Variants in RUNX2 observed in about 807,000 individuals in gnomAD.
The protein encoded by RUNX2 is runt-related transcription factor 2.
Under a neutral mutation model 51.7 loss-of-function variants are expected in RUNX2, and 10 were observed. The ratio of observed to expected loss-of-function variants is 0.19; its 90% confidence interval spans 0.12 to 0.33. The LOEUF (loss-of-function observed/expected upper bound fraction) is 0.33, where lower values mean the gene tolerates loss of function less well. Ranked by LOEUF, RUNX2 falls within the 10% of genes least tolerant of loss-of-function variation. RUNX2 has a pLI of 1.00. For synonymous variants in RUNX2, 276 were observed against 273.6 expected (o/e 1.01, Z -0.09); for missense variants, 562 against 691.3 (o/e 0.81, Z 2.10).
intron 7 of RUNX2, among the ~76,000 whole-genome samples, chr6:45,521,162 T>G (rs1801497066): frequency 6.6e-6 from 1 of 151,866 alleles, no homozygotes; most frequent in African/African-American, 2.4e-5. Context: ...GAATGTTTAA[T>G]GAAACAAGTA....
chr6:45,380,635 G>A (rs1009475604), intron 2 of RUNX2, among the ~76,000 whole-genome samples: 2 of 152,122 alleles, frequency 1.3e-5, no homozygotes, highest in Non-Finnish European at 2.9e-5. Flanking sequence ...GGAGTGCAGT[G>A]GCCCGATCTC....
chr6:45,341,824 A>T lies in RUNX2; in HGVS notation c.58+13040A>T, dbSNP rs78680262. Among the ~76,000 whole-genome samples the T allele has an allele frequency of 7.5e-3, 1,143 of 152,318 alleles. 21 individuals are homozygous for T. Among genetic ancestry groups the T allele is most frequent in the African/African-American group, 0.026 (1,085 of 41,576 alleles). On this transcript the variant is annotated intron_variant, in intron 2 of 8. Coordinates refer to ENST00000647337, the MANE Select transcript of RUNX2 (RefSeq NM_001024630.4). ...TACAAATTAAAAATGACACACTAAG[A>T]TAATTCATCGCTTTTAGTTTAAACC...
chr6:45,444,625 C>T (rs1228511602), intron 5 of RUNX2, among the ~76,000 whole-genome samples: 1 of 152,216 alleles, frequency 6.6e-6, no homozygotes, highest in Non-Finnish European at 1.5e-5. Context: ...AAACTATTTT[C>T]TTTTCCTGTT....
At chr6:45,407,954 ATTC>A (rs1421276632) in intron 2 of RUNX2, among the ~76,000 whole-genome samples, 2 of 152,146 alleles carry the variant, frequency 1.3e-5, no homozygotes, top group African/African-American at 4.8e-5. Context: ...TGTTAAAATA[ATTC>A]TTCTGGTTTG....
chr6:45,423,079 A>G, intron 3 of RUNX2, 122 bp downstream of exon 3: 2 of 1,277,056 alleles, frequency 1.6e-6, no homozygotes, highest in East Asian at 2.7e-5. Context: ...GGCGGCTCTA[A>G]CCCCAGAAAC....
At chr6:45,465,508 A>G (rs1192555325) in intron 5 of RUNX2, among the ~76,000 whole-genome samples, 1 of 152,118 alleles carries the variant, frequency 6.6e-6, no homozygotes, top group Non-Finnish European at 1.5e-5. Flanking sequence ...CTTTTCAGTT[A>G]ATTAAAAAGT....
chr6:45,464,106 T>A (rs1361428769), intron 5 of RUNX2, among the ~76,000 whole-genome samples: 1 of 151,674 alleles, frequency 6.6e-6, no homozygotes, highest in Admixed American at 6.6e-5. Flanking sequence ...GGCAGGAGAA[T>A]GGCGTGAACC....
chr6:45,517,938 C>T (rs368447246), intron 7 of RUNX2, among the ~76,000 whole-genome samples: 1 of 152,138 alleles, frequency 6.6e-6, no homozygotes, highest in East Asian at 1.9e-4. Context: ...GTTCTTGAAA[C>T]CAGCAGCTTC....
chr6:45,338,831 T>A (rs1789167206), intron 2 of RUNX2, among the ~76,000 whole-genome samples: 1 of 152,014 alleles, frequency 6.6e-6, no homozygotes, highest in Non-Finnish European at 1.5e-5. Flanking sequence ...GGCACAAAAT[T>A]TAAGGAGGTA....
At chr6:45,380,152 A>T (rs552693823) in intron 2 of RUNX2, among the ~76,000 whole-genome samples, 1 of 152,238 alleles carries the variant, frequency 6.6e-6, no homozygotes, top group Non-Finnish European at 1.5e-5. Flanking sequence ...CATTACATTC[A>T]TATCAAATAT....
chr6:45,423,166 C>T (rs1274226161), intron 3 of RUNX2, among the ~76,000 whole-genome samples: 1 of 152,140 alleles, frequency 6.6e-6, no homozygotes, highest in East Asian at 1.9e-4. Flanking sequence ...CCCTCTCCCA[C>T]CTGTGCCCGC....
chr6:45,510,096 T>C (rs1801097169), intron 6 of RUNX2, among the ~76,000 whole-genome samples: 1 of 152,238 alleles, frequency 6.6e-6, no homozygotes, highest in African/African-American at 2.4e-5. Flanking sequence ...AATACTGAAT[T>C]ACATTAATGG....
At chr6:45,376,606 C>T (rs552677597) in intron 2 of RUNX2, among the ~76,000 whole-genome samples, 1 of 152,336 alleles carries the variant, frequency 6.6e-6, no homozygotes, top group East Asian at 1.9e-4. Flanking sequence ...CTTAGGCATA[C>T]TTCGCTCCAA....
intron 6 of RUNX2, among the ~76,000 whole-genome samples, chr6:45,496,551 G>A (rs187000903): frequency 1.9e-3 from 297 of 152,316 alleles, no homozygotes; most frequent in Admixed American, 2.3e-3. Flanking sequence ...TGATTGGAAA[G>A]TTGAGAAAAG....
At chr6:45,481,406 A>T (rs1800109946) in intron 5 of RUNX2, among the ~76,000 whole-genome samples, 1 of 152,260 alleles carries the variant, frequency 6.6e-6, no homozygotes, top group Non-Finnish European at 1.5e-5. Context: ...TAAGTGCTCG[A>T]AACACAAAGA....
At chr6:45,483,853 G>C (rs1800187137) in intron 5 of RUNX2, among the ~76,000 whole-genome samples, 2 of 152,218 alleles carry the variant, frequency 1.3e-5, no homozygotes, top group Non-Finnish European at 2.9e-5. Flanking sequence ...ACTGTCGATA[G>C]ACCAGTGTGA....
rs367951614 is a variant in RUNX2, at chr6:45,508,151, C to G, written c.860-4095C>G. Among the ~76,000 whole-genome samples the G allele has an allele frequency of 2.7e-5, 4 of 150,308 alleles. No individual in the cohort carries two copies. In the East Asian group the frequency reaches 5.9e-4, roughly 22 times the overall value. On this transcript the variant is annotated intron_variant, in intron 6 of 8. Coordinates refer to ENST00000647337, the MANE Select transcript of RUNX2 (RefSeq NM_001024630.4). ...GGCTTTTGTTTAAAAGGTTGCTATC[C>G]TCTTTAAAATTGTTTTTTATGCTAG...
intron 5 of RUNX2, among the ~76,000 whole-genome samples, chr6:45,464,179 C>T (rs566852990): frequency 0.01 from 1,501 of 148,380 alleles, 10 homozygotes; most frequent in Non-Finnish European, 0.014. Context: ...GGCGACAGAG[C>T]GAGACTCCGT....
chr6:45,394,318 T>C (rs1575060), intron 2 of RUNX2, among the ~76,000 whole-genome samples: 53,615 of 151,852 alleles, frequency 0.35, 9,874 homozygotes, highest in African/African-American at 0.4. Context: ...CCAAACACTT[T>C]CCACCAAGGC....
Sources: gnomAD v4.1 joint callset for allele counts (sites outside exome capture counted in the v4.1 genomes callset) on GRCh38, gnomAD v4.1.1 for gene constraint, MANE v1.5 for transcripts, NCBI Gene and HGNC (gene_info 2026-07-23, HGNC 2026-07-21) for gene names.